Variants in TNFSF4 observed in about 807,000 individuals in gnomAD.
TNFSF4 encodes tumor necrosis factor ligand superfamily member 4.
In TNFSF4, 4 loss-of-function variants were observed where a neutral mutation model predicts 7.3. The observed-to-expected ratio is 0.55, with a 90% confidence interval of 0.27 to 1.25. The LOEUF (loss-of-function observed/expected upper bound fraction) is 1.25. TNFSF4 is among the 50% of genes most tolerant of loss of function. The probability of loss-of-function intolerance (pLI) is 0.12; values close to 1 mark genes in which losing one functional copy is unlikely to be tolerated. For missense variants in TNFSF4, 181 were observed against 208.8 expected, an observed-to-expected ratio of 0.87 and a Z score of 0.82; for synonymous variants, 76 against 83.7, an observed-to-expected ratio of 0.91 and a Z score of 0.50.
the TNFSF4 span, among the ~76,000 whole-genome samples, chr1:173,417,295 C>T: frequency 1.3e-5 from 2 of 152,206 alleles, no homozygotes; most frequent in South Asian, 2.1e-4. Context: ...ATGAAATACC[C>T]GCTTCATAAG....
At chr1:173,415,430 G>T in the TNFSF4 span, among the ~76,000 whole-genome samples, 1,969 of 152,332 alleles carry the variant, frequency 0.013, 19 homozygotes, top group South Asian at 0.03. Flanking sequence ...GGAAAAGGAA[G>T]ATAGAAGAGA....
the TNFSF4 span, among the ~76,000 whole-genome samples, chr1:173,249,088 T>A: frequency 6.6e-6 from 1 of 151,704 alleles, no homozygotes; most frequent in African/African-American, 2.4e-5. Flanking sequence ...GGAAGTAGAG[T>A]CGACAAGACT....
chr1:173,205,303 T>G, intron 1 of TNFSF4: 1 of 1,612,208 alleles, frequency 6.2e-7, no homozygotes, highest in Non-Finnish European at 8.5e-7. Context: ...CCCCTAGAGA[T>G]CACTCACCAT....
At chr1:173,276,280 AG>A in the TNFSF4 span, among the ~76,000 whole-genome samples, 1 of 152,134 alleles carries the variant, frequency 6.6e-6, no homozygotes, top group Non-Finnish European at 1.5e-5. Flanking sequence ...CTGCCCAGTG[AG>A]TGCAATTTTT....
chr1:173,327,748 A>G, the TNFSF4 span, among the ~76,000 whole-genome samples: 3 of 152,242 alleles, frequency 2.0e-5, no homozygotes, highest in Non-Finnish European at 4.4e-5. Flanking sequence ...AAAACACATG[A>G]AAAAATGCCC....
the TNFSF4 span, among the ~76,000 whole-genome samples, chr1:173,244,736 A>C: frequency 6.6e-6 from 1 of 152,072 alleles, no homozygotes; most frequent in South Asian, 2.1e-4. Context: ...CATTATGTTC[A>C]CAGCCGCGCA....
the TNFSF4 span, among the ~76,000 whole-genome samples, chr1:173,428,874 GCAGGTGC>G: frequency 6.6e-6 from 1 of 152,144 alleles, no homozygotes; most frequent in Non-Finnish European, 1.5e-5. Context: ...AGGCATGGTG[GCAGGTGC>G]CTGTAATCCC....
the TNFSF4 span, among the ~76,000 whole-genome samples, chr1:173,410,941 G>A: frequency 6.6e-6 from 1 of 152,192 alleles, no homozygotes; most frequent in African/African-American, 2.4e-5. Flanking sequence ...GGGGAGACAT[G>A]TACCCAGTCT....
the TNFSF4 span, among the ~76,000 whole-genome samples, chr1:173,393,048 C>G: frequency 6.6e-6 from 1 of 152,050 alleles, no homozygotes; most frequent in Non-Finnish European, 1.5e-5. Context: ...GACGTGAACA[C>G]TGAAGGAATC....
At chr1:173,293,974 G>A in the TNFSF4 span, among the ~76,000 whole-genome samples, 1 of 151,982 alleles carries the variant, frequency 6.6e-6, no homozygotes. Context: ...ACAAGGTTAT[G>A]GAGAAATGGG....
chr1:173,409,210 T>A, the TNFSF4 span, among the ~76,000 whole-genome samples: 6 of 152,062 alleles, frequency 3.9e-5, no homozygotes, highest in Non-Finnish European at 8.8e-5. Context: ...AATGTGAAGG[T>A]CATGGAATCA....
chr1:173,316,093 T>C, the TNFSF4 span, among the ~76,000 whole-genome samples: 1 of 152,182 alleles, frequency 6.6e-6, no homozygotes, highest in Non-Finnish European at 1.5e-5. Context: ...TCCAATTTCA[T>C]TCTTTTGCAT....
At chr1:173,296,961 A>G in the TNFSF4 span, among the ~76,000 whole-genome samples, 3 of 151,878 alleles carry the variant, frequency 2.0e-5, no homozygotes, top group African/African-American at 4.8e-5. Flanking sequence ...AGATATTACT[A>G]CTTCCCTTCC....
the TNFSF4 span, among the ~76,000 whole-genome samples, chr1:173,285,992 GA>G: frequency 3.3e-5 from 5 of 152,100 alleles, no homozygotes; most frequent in Admixed American, 2.6e-4. Flanking sequence ...TGACCAATAT[GA>G]AAAGACACAG....
At chr1:173,173,218 A>G in the TNFSF4 span, among the ~76,000 whole-genome samples, 7 of 151,996 alleles carry the variant, frequency 4.6e-5, no homozygotes, top group Non-Finnish European at 1.0e-4. Context: ...TCCCTCCCAA[A>G]TCTCCTGTTT....
At chr1:173,354,721 C>A in the TNFSF4 span, among the ~76,000 whole-genome samples, 1 of 151,654 alleles carries the variant, frequency 6.6e-6, no homozygotes, top group Non-Finnish European at 1.5e-5. Context: ...TACTGAAATG[C>A]AAAAAATAAA....
chr1:173,218,684 T>C, the TNFSF4 span, among the ~76,000 whole-genome samples: 14 of 152,316 alleles, frequency 9.2e-5, no homozygotes, highest in African/African-American at 3.4e-4. Flanking sequence ...CATTTGGTTA[T>C]TGCCAACTTA....
At chr1:173,315,060 G>T in the TNFSF4 span, among the ~76,000 whole-genome samples, 7,510 of 152,212 alleles carry the variant, frequency 0.049, 268 homozygotes, top group East Asian at 0.11. Flanking sequence ...GAGGAAGGAT[G>T]AGAGATGAAA....
At chr1:173,407,258 G>A in the TNFSF4 span, among the ~76,000 whole-genome samples, 3 of 151,998 alleles carry the variant, frequency 2.0e-5, no homozygotes, top group Admixed American at 6.6e-5. Context: ...AAGGTAACCA[G>A]CTTCTCACAG....
Sources: allele counts gnomAD v4.1 joint callset (sites outside exome capture counted in the v4.1 genomes callset), GRCh38; gene constraint gnomAD v4.1.1; transcripts MANE v1.5; gene names NCBI Gene and HGNC (gene_info 2026-07-23, HGNC 2026-07-21).